The following NWD2 variants were observed in gnomAD, a reference collection of about 807,000 sequenced individuals.
NWD2 encodes NACHT and WD repeat domain containing 2.
NWD2 carries 37 observed loss-of-function variants against 132.7 expected under a neutral mutation model. The ratio of observed to expected loss-of-function variants is 0.28; its 90% CI spans 0.21 to 0.37. NWD2 has a LOEUF of 0.37. Ranked by LOEUF, NWD2 falls within the 10% of genes least tolerant of loss-of-function variation. The probability of loss-of-function intolerance (pLI) is 1.00; values close to 1 mark genes in which losing one functional copy is unlikely to be tolerated. For synonymous variants in NWD2, 705 were observed against 803.0 expected (o/e 0.88, Z 2.06); for missense variants, 1,592 against 2,122.4 (o/e 0.75, Z 4.91).
intron 2 of NWD2, among the ~76,000 whole-genome samples, chr4:37,333,347 G>T (rs1481602504): frequency 3.3e-5 from 5 of 152,184 alleles, no homozygotes; most frequent in Admixed American, 1.3e-4. Flanking sequence ...TCATAAGGAT[G>T]CTTGTGTCAC....
At chr4:37,267,445 C>G (rs1717777858) in intron 1 of NWD2, among the ~76,000 whole-genome samples, 1 of 151,910 alleles carries the variant, frequency 6.6e-6, no homozygotes, top group Admixed American at 6.6e-5. Context: ...CCATCAGAGC[C>G]CACGGTTTTT....
chr4:37,275,481 C>T (rs373728620), intron 1 of NWD2, among the ~76,000 whole-genome samples: 11 of 152,044 alleles, frequency 7.2e-5, no homozygotes, highest in South Asian at 2.1e-4. Flanking sequence ...GAATCAATAT[C>T]GTGAAAATGG....
At chr4:37,411,042 G>A (rs1037464822) in intron 3 of NWD2, among the ~76,000 whole-genome samples, 2 of 152,100 alleles carry the variant, frequency 1.3e-5, no homozygotes, top group African/African-American at 4.8e-5. Context: ...AGAGAGTGTA[G>A]GAAAGATCTA....
At chr4:37,249,008 C>T (rs986537684) in intron 1 of NWD2, among the ~76,000 whole-genome samples, 9 of 152,166 alleles carry the variant, frequency 5.9e-5, no homozygotes, top group Non-Finnish European at 1.3e-4. Flanking sequence ...CAGTGTTATA[C>T]AGAACTTTCT....
chr4:37,429,396 C>T (rs752991082), intron 3 of NWD2, among the ~76,000 whole-genome samples: 21 of 152,084 alleles, frequency 1.4e-4, no homozygotes, highest in Admixed American at 6.5e-5. Context: ...CTCACTGAAA[C>T]CTCCCTCTTC....
At position 37,343,257 on chromosome 4, in the gene NWD2, C is replaced by T. The variant is rs1719565653; in HGVS notation, c.241-13109C>T. Among the ~76,000 whole-genome samples, 3 of 152,226 alleles carry T rather than the reference C, an allele frequency of 2.0e-5. No homozygotes were observed. In the South Asian group the frequency reaches 6.2e-4, roughly 32 times the overall value. ...ATACTAAAACAAATTATAATGAGTG[C>T]TATCTTCACCACTGTATTGACCTTA... On this transcript the variant is annotated intron_variant, in intron 2 of 6. Coordinates refer to ENST00000309447, the MANE Select transcript of NWD2 (RefSeq NM_001144990.2).
intron 1 of NWD2, among the ~76,000 whole-genome samples, chr4:37,323,421 G>A (rs1577667937): frequency 6.6e-6 from 1 of 152,070 alleles, no homozygotes; most frequent in Non-Finnish European, 1.5e-5. Context: ...CATGCAAGTG[G>A]CCAAGAAACA....
chr4:37,434,321 G>C (rs148442282), intron 5 of NWD2, among the ~76,000 whole-genome samples: 1 of 152,092 alleles, frequency 6.6e-6, no homozygotes, highest in African/African-American at 2.4e-5. Flanking sequence ...TCACTTACCC[G>C]CTTATCCAGC....
At chr4:37,441,782 A>G (rs1425076446) in intron 6 of NWD2, among the ~76,000 whole-genome samples, 1 of 152,190 alleles carries the variant, frequency 6.6e-6, no homozygotes, top group Non-Finnish European at 1.5e-5. Flanking sequence ...CTCACCGTCA[A>G]CAACAACCTG....
At chr4:37,355,658 A>G (rs1719856407) in intron 2 of NWD2, among the ~76,000 whole-genome samples, 2 of 152,350 alleles carry the variant, frequency 1.3e-5, no homozygotes, top group African/African-American at 2.4e-5. Flanking sequence ...GATGCTCTCC[A>G]TAGCACTTTT....
chr4:37,374,328 A>G (rs1158028191), intron 3 of NWD2, among the ~76,000 whole-genome samples: 1 of 152,186 alleles, frequency 6.6e-6, no homozygotes, highest in African/African-American at 2.4e-5. Flanking sequence ...TGCTGATGCC[A>G]TGCTTGTTGT....
chr4:37,385,331 A>C (rs1337034695), intron 3 of NWD2, among the ~76,000 whole-genome samples: 9 of 152,142 alleles, frequency 5.9e-5, no homozygotes, highest in Non-Finnish European at 1.0e-4. Context: ...GTGACAACTT[A>C]AAAAATCATC....
chr4:37,437,636 G>C (rs1442905772), intron 5 of NWD2, among the ~76,000 whole-genome samples: 2 of 152,070 alleles, frequency 1.3e-5, no homozygotes, highest in Admixed American at 6.6e-5. Flanking sequence ...GGTGAAGGAG[G>C]AAGAAAGGAA....
At chr4:37,419,659 C>T (rs1711748089) in intron 3 of NWD2, among the ~76,000 whole-genome samples, 2 of 152,158 alleles carry the variant, frequency 1.3e-5, no homozygotes, top group Admixed American at 1.3e-4. Context: ...AAATGTTGAG[C>T]TGTCAAACTG....
At position 37,284,495 on chromosome 4, in the gene NWD2, C is replaced by A. The variant is rs369830298; in HGVS notation, c.151+39277C>A. 5.3e-5 allele frequency among the ~76,000 whole-genome samples: 8 copies of A among 152,308 alleles called. No homozygotes were observed. The East Asian group carries it at 1.5e-3, about 29-fold the overall frequency. ...ACCCCACAGCCCATCTTGAGGGACC[C>A]TCATTCCTTGGCTCCTCCAGTGCCT... is the stretch of plus-strand genomic sequence containing the variant. On this transcript the variant is annotated intron_variant, in intron 1 of 6. Transcript: ENST00000309447.
chr4:37,274,502 A>G (rs941466759), intron 1 of NWD2, among the ~76,000 whole-genome samples: 16 of 152,330 alleles, frequency 1.1e-4, no homozygotes, highest in African/African-American at 3.4e-4. Flanking sequence ...TACCAGCGGT[A>G]CAAGAAGGAG....
At chr4:37,309,527 TAC>T (rs1241730894) in intron 1 of NWD2, among the ~76,000 whole-genome samples, 7 of 152,006 alleles carry the variant, frequency 4.6e-5, no homozygotes, top group Admixed American at 2.6e-4. Context: ...CTGGACAGGG[TAC>T]ATTTTAGCAG....
intron 3 of NWD2, among the ~76,000 whole-genome samples, chr4:37,414,471 A>G (rs1320247946): frequency 3.3e-5 from 5 of 152,034 alleles, no homozygotes; most frequent in Non-Finnish European, 7.4e-5. Context: ...TGAAAAAAAA[A>G]AAAACCCAAA....
intron 2 of NWD2, among the ~76,000 whole-genome samples, chr4:37,340,677 G>C (rs1468247439): frequency 6.6e-6 from 1 of 152,188 alleles, no homozygotes; most frequent in Admixed American, 6.5e-5. Context: ...TAGGCAGTGG[G>C]AGATGGCTAG....
Sources: allele counts gnomAD v4.1 joint callset (sites outside exome capture counted in the v4.1 genomes callset), GRCh38; gene constraint gnomAD v4.1.1; transcripts MANE v1.5; gene names NCBI Gene and HGNC (gene_info 2026-07-23, HGNC 2026-07-21).